Variants in ZFHX3 observed in about 807,000 individuals in gnomAD.
ZFHX3 encodes the protein zinc finger homeobox 3, also known as zinc finger homeobox protein 3.
Under a neutral mutation model 279.1 loss-of-function variants are expected in ZFHX3, and 42 were observed. The ratio of observed to expected loss-of-function variants is 0.15; its 90% CI spans 0.12 to 0.19. ZFHX3 has a LOEUF of 0.19. Among genes scored for constraint, ZFHX3 ranks in the 10% least tolerant of loss-of-function variants. The pLI, the probability that ZFHX3 is intolerant of heterozygous loss-of-function variation, is 1.00. For synonymous variants in ZFHX3, 2,293 were observed against 1,957.8 expected, an observed-to-expected ratio of 1.17 and a Z score of -4.52; for missense variants, 4,981 against 4,754.0, an observed-to-expected ratio of 1.05 and a Z score of -1.40.
intron 3 of ZFHX3, among the ~76,000 whole-genome samples, chr16:72,949,911 CTTTT>C (rs774934563): frequency 2.6e-5 from 3 of 116,052 alleles, no homozygotes; most frequent in Non-Finnish European, 3.5e-5. Context: ...ATTTTCTTTT[CTTTT>C]TTTTTTTTTT....
intron 1 of ZFHX3, among the ~76,000 whole-genome samples, chr16:73,020,959 T>C (rs1205788333): frequency 6.6e-6 from 1 of 152,166 alleles, no homozygotes; most frequent in East Asian, 1.9e-4. Flanking sequence ...TTTTCTCATC[T>C]ACAAAATGAG....
At chr16:73,049,257 G>C (rs1322714959), upstream of ZFHX3, among the ~76,000 whole-genome samples, 3 of 152,228 alleles carry the variant, frequency 2.0e-5, no homozygotes, top group African/African-American at 7.2e-5. Context: ...AGCACAGAAA[G>C]GCACCTGCTT....
intron 1 of ZFHX3, among the ~76,000 whole-genome samples, chr16:73,751,629 A>G (rs571527496): frequency 3.2e-4 from 49 of 152,312 alleles, no homozygotes; most frequent in African/African-American, 1.1e-3. Flanking sequence ...AAATAAAATG[A>G]TTTTATTAAT....
intron 8 of ZFHX3, among the ~76,000 whole-genome samples, chr16:73,091,193 A>G (rs1266750713): frequency 1.3e-5 from 2 of 150,986 alleles, no homozygotes; most frequent in Non-Finnish European, 2.9e-5. Flanking sequence ...CCTGGGCGGC[A>G]GAGTGAGACT....
chr16:73,861,578 G>A (rs548446409), intron 1 of ZFHX3, among the ~76,000 whole-genome samples: 12 of 152,158 alleles, frequency 7.9e-5, no homozygotes, highest in African/African-American at 1.4e-4. Context: ...GCAATTGCAC[G>A]TTGTTTATCT....
intron 3 of ZFHX3, among the ~76,000 whole-genome samples, chr16:72,906,451 G>A (rs1466954863): frequency 2.0e-5 from 3 of 151,952 alleles, no homozygotes; most frequent in African/African-American, 7.3e-5. Flanking sequence ...AAACCTTCTG[G>A]AGAACTGTGA....
chr16:72,967,064 G>C (rs1286456660), intron 1 of ZFHX3, among the ~76,000 whole-genome samples: 1 of 152,208 alleles, frequency 6.6e-6, no homozygotes, highest in Non-Finnish European at 1.5e-5. Context: ...CAGGTTCCCT[G>C]TGCTATTCAT....
intron 1 of ZFHX3, among the ~76,000 whole-genome samples, chr16:73,878,662 T>G (rs1025454270): frequency 6.6e-6 from 1 of 151,632 alleles, no homozygotes; most frequent in Non-Finnish European, 1.5e-5. Flanking sequence ...CTTTTGAGAG[T>G]TACAGGTAAC....
chr16:73,713,439 C>T (rs555703709), intron 1 of ZFHX3, among the ~76,000 whole-genome samples: 2 of 152,216 alleles, frequency 1.3e-5, no homozygotes, highest in African/African-American at 4.8e-5. Flanking sequence ...ATTTTTCCTC[C>T]TCCTCCTATT....
intron 1 of ZFHX3, among the ~76,000 whole-genome samples, chr16:73,836,158 C>A (rs1479236304): frequency 1.3e-5 from 2 of 152,174 alleles, no homozygotes; most frequent in Non-Finnish European, 2.9e-5. Context: ...AGTAGGTTGT[C>A]TTCAGTGTCC....
At chr16:73,082,885 A>C (rs1256467988) in intron 8 of ZFHX3, among the ~76,000 whole-genome samples, 1 of 152,132 alleles carries the variant, frequency 6.6e-6, no homozygotes, top group Non-Finnish European at 1.5e-5. Flanking sequence ...TATTTAAAAC[A>C]AAACAAAACA....
chr16:73,037,203 G>A (rs1964940523), intron 1 of ZFHX3, among the ~76,000 whole-genome samples: 2 of 152,182 alleles, frequency 1.3e-5, no homozygotes, highest in South Asian at 4.1e-4. Flanking sequence ...ATTTTTCAGT[G>A]TAAAGTTCTT....
At chr16:73,296,104 C>G (rs998929063) in intron 4 of ZFHX3, among the ~76,000 whole-genome samples, 2 of 144,386 alleles carry the variant, frequency 1.4e-5, no homozygotes, top group South Asian at 2.2e-4. Context: ...GTGTGTGTGT[C>G]TGTGTTTCAA....
intron 7 of ZFHX3, among the ~76,000 whole-genome samples, chr16:73,122,989 G>A (rs963219478): frequency 6.6e-6 from 1 of 152,038 alleles, no homozygotes; most frequent in South Asian, 2.1e-4. Context: ...CTCATGCTAC[G>A]TTTTAAGAGA....
chr16:72,921,250 TG>T (rs1479792155), intron 3 of ZFHX3, among the ~76,000 whole-genome samples: 2 of 152,014 alleles, frequency 1.3e-5, no homozygotes, highest in African/African-American at 4.8e-5. Flanking sequence ...GGTAACCGGG[TG>T]GTGTCATCAA....
At chr16:73,746,693 T>A (rs1031491103) in intron 1 of ZFHX3, among the ~76,000 whole-genome samples, 3 of 152,160 alleles carry the variant, frequency 2.0e-5, no homozygotes, top group African/African-American at 7.2e-5. Context: ...TGTTTGGGCT[T>A]CCCCAACATC....
chr16:73,114,763 G>T (rs565238918), intron 7 of ZFHX3, among the ~76,000 whole-genome samples: 1 of 152,278 alleles, frequency 6.6e-6, no homozygotes, highest in East Asian at 1.9e-4. Context: ...CCTTGTGAAT[G>T]GCCAGCCTGT....
At chr16:73,745,288 G>T (rs185969509) in intron 1 of ZFHX3, among the ~76,000 whole-genome samples, 1 of 152,290 alleles carries the variant, frequency 6.6e-6, no homozygotes, top group Non-Finnish European at 1.5e-5. Flanking sequence ...CTTCTTCAGT[G>T]TCTCCTGAAC....
intron 3 of ZFHX3, among the ~76,000 whole-genome samples, chr16:73,345,556 G>T (rs2016108371): frequency 6.6e-6 from 1 of 152,098 alleles, no homozygotes; most frequent in Non-Finnish European, 1.5e-5. Flanking sequence ...CCATGTCCCT[G>T]CGAGGACATG....
Sources: gnomAD v4.1 joint callset for allele counts (sites outside exome capture counted in the v4.1 genomes callset) on GRCh38, gnomAD v4.1.1 for gene constraint, MANE v1.5 for transcripts, NCBI Gene and HGNC (gene_info 2026-07-23, HGNC 2026-07-21) for gene names.